B3GALT1: variants seen among roughly 807,000 people sequenced by gnomAD.
B3GALT1 encodes beta-1,3-galactosyltransferase 1.
B3GALT1 carries 10 observed loss-of-function variants against 23.2 expected under a neutral mutation model. The observed-to-expected ratio is 0.43, with a 90% CI of 0.27 to 0.73. The LOEUF is 0.73. Among genes scored for constraint, B3GALT1 ranks in the 30% least tolerant of loss-of-function variants. The pLI is 0.21. For synonymous variants in B3GALT1, 156 were observed against 141.5 expected, an observed-to-expected ratio of 1.10 and a Z score of -0.73; for missense variants, 299 against 405.4, an observed-to-expected ratio of 0.74 and a Z score of 2.25.
At chr2:167,570,733 C>A (rs1049340575) in intron 2 of B3GALT1, among the ~76,000 whole-genome samples, 2 of 151,604 alleles carry the variant, frequency 1.3e-5, no homozygotes, top group African/African-American at 4.8e-5. Flanking sequence ...AATCAGTGTT[C>A]TTTTGTTGCT....
intron 1 of B3GALT1, among the ~76,000 whole-genome samples, chr2:167,353,484 G>C (rs1302766192): frequency 2.0e-5 from 3 of 151,250 alleles, no homozygotes; most frequent in African/African-American, 7.3e-5. Flanking sequence ...TGGCTGTTTC[G>C]TGACATTCAG....
intron 4 of B3GALT1, among the ~76,000 whole-genome samples, chr2:167,860,526 G>A (rs1272691702): frequency 1.3e-5 from 2 of 152,132 alleles, no homozygotes; most frequent in African/African-American, 4.8e-5. Context: ...TGTGCCATAT[G>A]TGATCTGTAA....
intron 2 of B3GALT1, among the ~76,000 whole-genome samples, chr2:167,545,097 C>T (rs563833403): frequency 6.3e-5 from 8 of 126,574 alleles, no homozygotes; most frequent in East Asian, 2.6e-4. Context: ...TGCAGTGGCA[C>T]GATCTCTACT....
chr2:167,417,778 A>G (rs1213584349), intron 1 of B3GALT1, among the ~76,000 whole-genome samples: 1 of 152,180 alleles, frequency 6.6e-6, no homozygotes. Context: ...TGGTCATTGA[A>G]AGTATTAACT....
chr2:167,672,921 C>T (rs1686358086), intron 3 of B3GALT1, among the ~76,000 whole-genome samples: 1 of 151,188 alleles, frequency 6.6e-6, no homozygotes, highest in Non-Finnish European at 1.5e-5. Context: ...TCATTGAAGG[C>T]CTGTAAAACA....
chr2:167,619,896 C>T (rs983296135), intron 2 of B3GALT1, among the ~76,000 whole-genome samples: 1 of 152,094 alleles, frequency 6.6e-6, no homozygotes, highest in African/African-American at 2.4e-5. Context: ...CAAAAAGGAA[C>T]TATTTTCATA....
chr2:167,627,483 C>T (rs1035189416), intron 2 of B3GALT1, among the ~76,000 whole-genome samples: 2 of 151,656 alleles, frequency 1.3e-5, no homozygotes, highest in East Asian at 1.9e-4. Flanking sequence ...GATTCATCCA[C>T]GTTGCTGCAT....
intron 1 of B3GALT1, among the ~76,000 whole-genome samples, chr2:167,371,396 CT>C (rs2105269791): frequency 6.6e-6 from 1 of 151,998 alleles, no homozygotes; most frequent in East Asian, 1.9e-4. Context: ...TAAAGATCTC[CT>C]TTGGCTACTA....
intron 2 of B3GALT1, among the ~76,000 whole-genome samples, chr2:167,494,080 T>C (rs948159731): frequency 7.9e-5 from 12 of 152,134 alleles, no homozygotes; most frequent in African/African-American, 2.9e-4. Context: ...TGAGTAACTT[T>C]ATGGCCCATT....
At chr2:167,553,310 T>G (rs1049434698) in intron 2 of B3GALT1, among the ~76,000 whole-genome samples, 4 of 152,138 alleles carry the variant, frequency 2.6e-5, no homozygotes, top group African/African-American at 9.7e-5. Context: ...CCAAATTGAC[T>G]CTGATGTAAT....
chr2:167,653,498 A>G (rs1230250632), intron 3 of B3GALT1, among the ~76,000 whole-genome samples: 1 of 152,178 alleles, frequency 6.6e-6, no homozygotes, highest in Non-Finnish European at 1.5e-5. Context: ...TGCCAACGTT[A>G]AAAGATAGAA....
intron 4 of B3GALT1, among the ~76,000 whole-genome samples, chr2:167,867,103 T>C (rs541851577): frequency 6.6e-6 from 1 of 152,034 alleles, no homozygotes; most frequent in South Asian, 2.1e-4. Context: ...ATTTTTTGTA[T>C]TTTTAGTAGA....
chr2:167,681,808 C>T (rs1215986241), intron 3 of B3GALT1, among the ~76,000 whole-genome samples: 13 of 152,154 alleles, frequency 8.5e-5, no homozygotes, highest in Admixed American at 8.5e-4. Context: ...TGGCACCGTG[C>T]AGGCCCTAAA....
chr2:167,741,314 A>C (rs1242039068), intron 3 of B3GALT1, among the ~76,000 whole-genome samples: 3 of 152,214 alleles, frequency 2.0e-5, no homozygotes, highest in Non-Finnish European at 2.9e-5. Context: ...CACTGAGCAC[A>C]TTCTAACAAA....
At chr2:167,820,850 T>A (rs755929148) in intron 4 of B3GALT1, among the ~76,000 whole-genome samples, 8 of 152,252 alleles carry the variant, frequency 5.3e-5, no homozygotes, top group Non-Finnish European at 1.2e-4. Context: ...CTCCTTCTAC[T>A]ACAGGCTGCC....
intron 3 of B3GALT1, among the ~76,000 whole-genome samples, chr2:167,804,301 TTTTTG>T (rs1317235347): frequency 4.7e-5 from 7 of 149,220 alleles, no homozygotes; most frequent in Admixed American, 4.7e-4. Flanking sequence ...CAAAATTTCT[TTTTTG>T]TTTTGTTTTG....
intron 3 of B3GALT1, chr2:167,714,110 C>CCAT (rs1687105593): frequency 6.5e-7 from 1 of 1,528,782 alleles, no homozygotes; most frequent in African/African-American, 1.4e-5. Flanking sequence ...AGGCATTGAC[C>CCAT]CATCCATTTT....
chr2:167,827,044 C>G (rs2105373966), intron 4 of B3GALT1, among the ~76,000 whole-genome samples: 3 of 152,268 alleles, frequency 2.0e-5, no homozygotes, highest in Admixed American at 2.0e-4. Flanking sequence ...GTCCTCGACA[C>G]CAGAACAATC....
At chr2:167,462,481 TATA>T (rs1182129289) in intron 1 of B3GALT1, among the ~76,000 whole-genome samples, 1 of 152,186 alleles carries the variant, frequency 6.6e-6, no homozygotes, top group East Asian at 1.9e-4. Context: ...GCTTCTTTAT[TATA>T]AGAAGAAAAT....
Sources: gnomAD v4.1 joint callset for allele counts (sites outside exome capture counted in the v4.1 genomes callset) on GRCh38, gnomAD v4.1.1 for gene constraint, MANE v1.5 for transcripts, NCBI Gene and HGNC (gene_info 2026-07-23, HGNC 2026-07-21) for gene names.